Variants in DSCAML1 observed in about 807,000 individuals in gnomAD.
DSCAML1 encodes the protein DS cell adhesion molecule like 1.
Under a neutral mutation model 200.5 loss-of-function variants are expected in DSCAML1, and 38 were observed. The ratio of observed to expected loss-of-function variants is 0.19; its 90% confidence interval spans 0.15 to 0.25. DSCAML1 has a LOEUF of 0.25. Among genes scored for constraint, DSCAML1 ranks in the 10% least tolerant of loss-of-function variants. The pLI, the probability that DSCAML1 is intolerant of heterozygous loss-of-function variation, is 1.00. For synonymous variants in DSCAML1, 1,215 were observed against 1,165.0 expected (o/e 1.04, Z -0.87); for missense variants, 2,223 against 2,858.8 (o/e 0.78, Z 5.07).
At position 117,610,848 on chromosome 11, in the gene DSCAML1, C is replaced by CG. The variant is rs978191970; in HGVS notation, c.512-78327_512-78326insC. 1.7e-3 allele frequency among the ~76,000 whole-genome samples: 257 copies of CG among 149,070 alleles called. 5 individuals are homozygous for CG. Among genetic ancestry groups the CG allele is most frequent in the Admixed American group, 0.016 (234 of 14,980 alleles). ...TAAACCAAACCAAAACAACCCCCCC[C>CG]CCCCACAATGTGTTCGTAGACTTCT... On this transcript the variant is annotated intron_variant, in intron 3 of 32. Coordinates refer to ENST00000651296, the MANE Select transcript of DSCAML1 (RefSeq NM_020693.4).
intron 19 of DSCAML1, among the ~76,000 whole-genome samples, chr11:117,458,187 C>G (rs914946805): frequency 3.3e-5 from 5 of 152,154 alleles, no homozygotes; most frequent in African/African-American, 1.2e-4. Flanking sequence ...CTGCCCTTAC[C>G]GTGTCACTCT....
intron 3 of DSCAML1, among the ~76,000 whole-genome samples, chr11:117,571,663 G>A (rs561629403): frequency 7.2e-5 from 11 of 152,086 alleles, no homozygotes; most frequent in Admixed American, 1.3e-4. Context: ...TCCTCAGCCC[G>A]TCCTCCCCCC....
chr11:117,677,766 A>C (rs1298683895), intron 3 of DSCAML1, among the ~76,000 whole-genome samples: 1 of 152,126 alleles, frequency 6.6e-6, no homozygotes, highest in Admixed American at 6.5e-5. Flanking sequence ...TATTAACCCC[A>C]TTTTACAGCT....
intron 3 of DSCAML1, among the ~76,000 whole-genome samples, chr11:117,730,209 G>A (rs1002276564): frequency 3.3e-5 from 5 of 152,038 alleles, no homozygotes; most frequent in African/African-American, 1.2e-4. Flanking sequence ...AAAAAAAGAG[G>A]GAGGCAGTGG....
At chr11:117,749,468 T>C (rs762323250) in intron 3 of DSCAML1, among the ~76,000 whole-genome samples, 6 of 152,212 alleles carry the variant, frequency 3.9e-5, no homozygotes, top group Non-Finnish European at 7.3e-5. Context: ...CCTCTAACAC[T>C]CCCTGTCTGT....
intron 3 of DSCAML1, among the ~76,000 whole-genome samples, chr11:117,650,700 TGC>T (rs1555194702): frequency 2.0e-5 from 3 of 147,352 alleles, no homozygotes; most frequent in Admixed American, 6.8e-5. Context: ...TGTGTGTGTG[TGC>T]GTGTGTGTGT....
chr11:117,509,589 G>C lies in DSCAML1; in HGVS notation c.1784-3857C>G, dbSNP rs117986520. On this transcript the variant is annotated intron_variant, in intron 8 of 32. Transcript: ENST00000651296. The stretch of plus-strand genomic sequence containing the variant: ...AATACACACACCGGGCAGCCTGGAG[G>C]GGGAAGAGAGCCCAGGGATCATGGC... Among the ~76,000 whole-genome samples, 250 of 152,294 alleles carry C rather than the reference G, an allele frequency of 1.6e-3. 9 individuals carry two copies. The East Asian group carries it at 0.036, about 22-fold the overall frequency.
chr11:117,498,438 G>A lies in DSCAML1; in HGVS notation c.2359+5407C>T, dbSNP rs2049334583. Among the ~76,000 whole-genome samples, 1 of 152,310 alleles carries A rather than the reference G, an allele frequency of 6.6e-6. No homozygotes were observed. Among genetic ancestry groups the A allele is most frequent in the African/African-American group, 2.4e-5 (1 of 41,564 alleles). On this transcript the variant is annotated intron_variant, in intron 11 of 32. Coordinates refer to ENST00000651296, the MANE Select transcript of DSCAML1 (RefSeq NM_020693.4). The surrounding 1 kb of genome is among the most constrained non-coding windows in gnomAD (Gnocchi z 4.0). Reference sequence around the variant, plus strand: ...GAATTCCCTGGGTACCTGGACTGTGGTCTAGAAAGGGATTTGTGGGCTCTG... The same window carrying A: ...GAATTCCCTGGGTACCTGGACTGTGATCTAGAAAGGGATTTGTGGGCTCTG...
At chr11:117,533,012 C>T (rs12421706) in intron 3 of DSCAML1, among the ~76,000 whole-genome samples, 2,771 of 151,662 alleles carry the variant, frequency 0.018, 39 homozygotes, top group South Asian at 0.033. Flanking sequence ...TGGTAGGGCA[C>T]GCCGGTAGTC....
intron 20 of DSCAML1, among the ~76,000 whole-genome samples, chr11:117,449,860 G>A (rs2048251528): frequency 6.6e-6 from 1 of 152,148 alleles, no homozygotes; most frequent in African/African-American, 2.4e-5. Context: ...TACATATGAT[G>A]GGATATAGGT....
intron 14 of DSCAML1, among the ~76,000 whole-genome samples, chr11:117,474,385 AC>A (rs2048746668): frequency 6.6e-6 from 1 of 151,918 alleles, no homozygotes; most frequent in South Asian, 2.1e-4. Flanking sequence ...CCTCTACCCT[AC>A]CAGGAATGGT....
intron 3 of DSCAML1, among the ~76,000 whole-genome samples, chr11:117,753,941 G>A (rs1359512435): frequency 6.6e-6 from 1 of 152,186 alleles, no homozygotes; most frequent in Non-Finnish European, 1.5e-5. Context: ...CTGGGGACAA[G>A]GTGAAGCAGG....
chr11:117,560,446 G>C (rs913257181), intron 3 of DSCAML1, among the ~76,000 whole-genome samples: 2 of 152,104 alleles, frequency 1.3e-5, no homozygotes, highest in African/African-American at 2.4e-5. Flanking sequence ...TTTGATTTGC[G>C]TATTGCTCCA....
At chr11:117,530,602 C>T (rs77798168) in intron 4 of DSCAML1, among the ~76,000 whole-genome samples, 1,672 of 152,248 alleles carry the variant, frequency 0.011, 33 homozygotes, top group African/African-American at 0.037. Context: ...CAGGGCCAGG[C>T]GCTGAAGACA....
rs1156624414 is a variant in DSCAML1, at chr11:117,639,636, G to A, written c.512-107114C>T. Among the ~76,000 whole-genome samples, 4 of 152,170 alleles carry A rather than the reference G, an allele frequency of 2.6e-5. No individual in the cohort carries two copies. In the East Asian group the frequency reaches 7.7e-4, roughly 29 times the overall value. ...GGTCCCCCATCCTTGGAGTGAAGAGGAACTGAGGGGAGGAGGGAAGGAGGA... is the reference window on the plus strand; with the variant it reads ...GGTCCCCCATCCTTGGAGTGAAGAGAAACTGAGGGGAGGAGGGAAGGAGGA... On this transcript the variant is annotated intron_variant, in intron 3 of 32. Transcript: ENST00000651296.
intron 3 of DSCAML1, among the ~76,000 whole-genome samples, chr11:117,679,442 A>C (rs2053275529): frequency 6.6e-6 from 1 of 152,220 alleles, no homozygotes; most frequent in African/African-American, 2.4e-5. Context: ...ACCAAGGGCT[A>C]TTTTGAAACT....
intron 3 of DSCAML1, among the ~76,000 whole-genome samples, chr11:117,580,888 A>G (rs2051026641): frequency 6.6e-6 from 1 of 152,196 alleles, no homozygotes; most frequent in Non-Finnish European, 1.5e-5. Context: ...GGGTCCTAAA[A>G]TTACACAGAT....
In DSCAML1 at chr11:117,672,854, G is replaced by C. The variant is rs185117421; in HGVS notation, c.511+103937C>G. Among the ~76,000 whole-genome samples, 3 of 152,316 alleles carry C rather than the reference G, an allele frequency of 2.0e-5. No individual in the cohort carries two copies. In the East Asian group the frequency reaches 5.8e-4, roughly 29 times the overall value. ...ATGAGTGCCTTTTATGCCAAGTAAG[G>C]AGACAAATGCCAATTGATTTACCTA... is the stretch of plus-strand genomic sequence containing the variant. On this transcript the variant is annotated intron_variant, in intron 3 of 32. Transcript: ENST00000651296.
intron 3 of DSCAML1, among the ~76,000 whole-genome samples, chr11:117,753,597 T>C (rs1181863517): frequency 2.6e-5 from 4 of 152,226 alleles, no homozygotes; most frequent in African/African-American, 7.2e-5. Flanking sequence ...ACACTGAGCA[T>C]AACATGAGCT....
Sources: gnomAD v4.1 joint callset for allele counts (sites outside exome capture counted in the v4.1 genomes callset) on GRCh38, gnomAD v4.1.1 for gene constraint, Gnocchi (gnomAD v3.1) non-coding constraint, MANE v1.5 for transcripts, NCBI Gene and HGNC (gene_info 2026-07-23, HGNC 2026-07-21) for gene names.